Variants in ZC3H12B observed in about 807,000 individuals in gnomAD.
ZC3H12B encodes the protein zinc finger CCCH-type containing 12B, also known as probable ribonuclease ZC3H12B.
A neutral mutation model predicts 43.9 loss-of-function variants in ZC3H12B; 7 were observed. The ratio of observed to expected loss-of-function variants is 0.16; its 90% CI spans 0.09 to 0.30. The LOEUF is 0.30. ZC3H12B is among the 10% of genes least tolerant of loss of function. ZC3H12B has a pLI of 1.00. For synonymous variants in ZC3H12B, 222 were observed against 241.7 expected, an observed-to-expected ratio of 0.92 and a Z score of 0.76; for missense variants, 475 against 670.2, an observed-to-expected ratio of 0.71 and a Z score of 3.22.
intron 3 of ZC3H12B, among the ~76,000 whole-genome samples, chrX:65,412,034 T>A (rs1478627604): frequency 1.8e-5 from 2 of 111,253 alleles, no homozygotes; most frequent in East Asian, 5.6e-4. Flanking sequence ...AAGCAAAAAA[T>A]TCAGTGGCAT....
chrX:65,341,974 T>C, the ZC3H12B span, among the ~76,000 whole-genome samples: 1 of 111,186 alleles, frequency 9.0e-6, no homozygotes, highest in Non-Finnish European at 1.9e-5. Context: ...AGTGGCTACC[T>C]GGATAAAGAA....
At chrX:65,147,680 C>T in the ZC3H12B span, among the ~76,000 whole-genome samples, 4 of 111,181 alleles carry the variant, frequency 3.6e-5, no homozygotes, top group African/African-American at 1.3e-4. Context: ...TGGGAATTGG[C>T]CTAGAGCCTG....
chrX:65,305,574 C>A, the ZC3H12B span, among the ~76,000 whole-genome samples: 1 of 111,887 alleles, frequency 8.9e-6, no homozygotes. Context: ...TCTTCTTTTT[C>A]CTTTCCTCAC....
chrX:65,147,654 C>T, the ZC3H12B span, among the ~76,000 whole-genome samples: 1 of 111,117 alleles, frequency 9.0e-6, no homozygotes, highest in African/African-American at 3.3e-5. Flanking sequence ...GGAGGCAATG[C>T]TGGGTTTTGT....
At chrX:65,114,646 T>C in the ZC3H12B span, among the ~76,000 whole-genome samples, 1 of 110,825 alleles carries the variant, frequency 9.0e-6, no homozygotes, top group South Asian at 3.7e-4. Flanking sequence ...TCCATCTTGA[T>C]TGAGATTTAC....
the ZC3H12B span, among the ~76,000 whole-genome samples, chrX:65,266,587 A>G: frequency 2.7e-5 from 3 of 112,011 alleles, no homozygotes; most frequent in Non-Finnish European, 3.8e-5. Flanking sequence ...GCAGTAAAGG[A>G]GCGCTATGGA....
At chrX:65,298,624 A>C in the ZC3H12B span, among the ~76,000 whole-genome samples, 1 of 111,781 alleles carries the variant, frequency 8.9e-6, no homozygotes, top group African/African-American at 3.2e-5. Flanking sequence ...AAATGAAATC[A>C]GGACCTCACA....
At chrX:65,212,157 G>C in the ZC3H12B span, among the ~76,000 whole-genome samples, 3 of 42,563 alleles carry the variant, frequency 7.0e-5, no homozygotes, top group African/African-American at 9.6e-5. Flanking sequence ...CATTATATTA[G>C]TATATAATAT....
intron 3 of ZC3H12B, among the ~76,000 whole-genome samples, chrX:65,417,824 G>T (rs927252725): frequency 8.9e-6 from 1 of 112,712 alleles, no homozygotes; most frequent in Non-Finnish European, 1.9e-5. Context: ...GACCTTGGTA[G>T]ATAGTACTGT....
intron 1 of ZC3H12B, among the ~76,000 whole-genome samples, chrX:65,490,400 A>G (rs892333932): frequency 9.2e-6 from 1 of 109,007 alleles, no homozygotes; most frequent in Non-Finnish European, 1.9e-5. Flanking sequence ...AAAAAAAAAA[A>G]AGAATGTGGG....
chrX:65,435,644 G>GGATAGATAGATGATAGATA lies in ZC3H12B; in HGVS notation n.407+36951_407+36952insGATAGATAGATAGATAGAT, dbSNP rs1172869483. Among the ~76,000 whole-genome samples, 9 of 94,397 alleles carry GGATAGATAGATGATAGATA rather than the reference G, an allele frequency of 9.5e-5. No homozygotes were observed. In the Admixed American group the frequency reaches 9.6e-4, roughly 10 times the overall value. 82.0% of individuals were successfully genotyped at this position (94,397 alleles called of 115,157 possible). The stretch of plus-strand genomic sequence containing the variant: ...GTTCTCCAGAGAAACAGAACCAATA[G>GGATAGATAGATGATAGATA]GATAGATAGATAGATAGATAGATAG... On this transcript the variant is annotated intron_variant and non_coding_transcript_variant, in intron 3 of 5. Coordinates refer to the ZC3H12B transcript ENST00000617377.
chrX:65,109,829 G>A, the ZC3H12B span, among the ~76,000 whole-genome samples: 29 of 110,721 alleles, frequency 2.6e-4, no homozygotes, highest in Middle Eastern at 4.6e-3. Context: ...ATGTATAAGG[G>A]TTCTAATTTC....
the ZC3H12B span, among the ~76,000 whole-genome samples, chrX:65,054,900 A>T: frequency 9.0e-6 from 1 of 110,810 alleles, no homozygotes. Flanking sequence ...TCTGTTATTG[A>T]TGTATAAGAA....
At chrX:65,230,343 A>T in the ZC3H12B span, among the ~76,000 whole-genome samples, 62 of 108,542 alleles carry the variant, frequency 5.7e-4, no homozygotes, top group African/African-American at 1.8e-3. Flanking sequence ...ATGAGCTCAC[A>T]TGGACGCAGG....
upstream of ZC3H12B, among the ~76,000 whole-genome samples, chrX:65,366,030 A>G (rs1269336848): frequency 1.8e-5 from 2 of 110,932 alleles, no homozygotes; most frequent in African/African-American, 6.6e-5. Context: ...ATTTAAGTAA[A>G]TCAAGCATTG....
chrX:65,350,262 G>A, the ZC3H12B span, among the ~76,000 whole-genome samples: 1 of 111,354 alleles, frequency 9.0e-6, no homozygotes, highest in South Asian at 3.8e-4. Flanking sequence ...AAAACCTCAT[G>A]ATTATCTCAA....
chrX:65,388,064 G>T (rs1224664952), intron 2 of ZC3H12B, among the ~76,000 whole-genome samples: 1 of 111,784 alleles, frequency 8.9e-6, no homozygotes, highest in African/African-American at 3.3e-5. Flanking sequence ...CTCTCTGGCT[G>T]CCCTTGCCAT....
At chrX:65,231,202 G>A in the ZC3H12B span, among the ~76,000 whole-genome samples, 3 of 110,977 alleles carry the variant, frequency 2.7e-5, no homozygotes, top group African/African-American at 3.3e-5. Flanking sequence ...TTTCAAAAGG[G>A]GAGGGGGTGT....
the ZC3H12B span, among the ~76,000 whole-genome samples, chrX:65,358,019 T>TAAAA: frequency 2.2e-5 from 2 of 90,545 alleles, no homozygotes; most frequent in African/African-American, 3.8e-5. Flanking sequence ...AAATGGAAAG[T>TAAAA]AAAAAAAAAA....
Sources: allele counts gnomAD v4.1 joint callset (sites outside exome capture counted in the v4.1 genomes callset), GRCh38; gene constraint gnomAD v4.1.1; transcripts MANE v1.5; gene names NCBI Gene and HGNC (gene_info 2026-07-23, HGNC 2026-07-21).